The following TMEM132C variants were observed in gnomAD, a reference collection of about 807,000 sequenced individuals.
The protein encoded by TMEM132C is protein phosphatase 1, regulatory subunit 152.
A neutral mutation model predicts 61.4 loss-of-function variants in TMEM132C; 29 were observed. The observed-to-expected ratio is 0.47, with a 90% CI of 0.35 to 0.64. TMEM132C has a LOEUF of 0.64. Ranked by LOEUF, TMEM132C falls within the 30% of genes least tolerant of loss-of-function variation. TMEM132C has a pLI of 0.00. For synonymous variants in TMEM132C, 656 were observed against 633.1 expected (o/e 1.04, Z -0.54); for missense variants, 1,408 against 1,476.9 (o/e 0.95, Z 0.76).
intron 5 of TMEM132C, 117 bp downstream of exon 5, chr12:128,669,677 C>A: frequency 8.0e-7 from 1 of 1,246,586 alleles, no homozygotes; most frequent in Non-Finnish European, 1.1e-6. Flanking sequence ...GGCTTATGTG[C>A]AACACACTTC....
intron 2 of TMEM132C, among the ~76,000 whole-genome samples, chr12:128,534,991 A>T (rs1248845648): frequency 6.6e-6 from 1 of 152,240 alleles, no homozygotes; most frequent in African/African-American, 2.4e-5. Flanking sequence ...AAGCCAAGTC[A>T]CATTGCAAGA....
At chr12:128,374,737 C>T (rs12823524) in intron 1 of TMEM132C, among the ~76,000 whole-genome samples, 123,514 of 151,600 alleles carry the variant, frequency 0.81, 51,234 homozygotes, top group Non-Finnish European at 0.9. Context: ...CTGGCCAAGA[C>T]AGTGAAACCC....
chr12:128,622,360 A>AAATATAT (rs1277080166), intron 4 of TMEM132C, among the ~76,000 whole-genome samples: 14 of 30,108 alleles, frequency 4.6e-4, no homozygotes, highest in African/African-American at 8.2e-4. Flanking sequence ...AAAAAAAAAA[A>AAATATAT]ATATATATAT....
At chr12:128,457,736 CTT>C (rs1870394493) in intron 2 of TMEM132C, among the ~76,000 whole-genome samples, 1 of 152,104 alleles carries the variant, frequency 6.6e-6, no homozygotes, top group South Asian at 2.1e-4. Flanking sequence ...TACAGCCAAA[CTT>C]CAAAGGTCCA....
rs201012004 is a variant in TMEM132C at position 128,278,745 on chromosome 12, C to CGT, written c.85+11261_85+11262dup. ...ATATTTGTGCAGACTTGATTCTATA[C>CGT]GTGTATGTGTGTGTGTGTGTGTGTG... On this transcript the variant is annotated intron_variant, in intron 1 of 8. Transcript: ENST00000435159. The surrounding 1 kb of genome is among the most constrained non-coding windows in gnomAD (Gnocchi z 4.2). Among the ~76,000 whole-genome samples, 13,550 of 135,414 alleles carry CGT rather than the reference C, an allele frequency of 0.1. 805 individuals are homozygous for CGT. The highest frequency in any genetic ancestry group is 0.21 in the Admixed American group (2,825 of 13,676). The allele number at this position is 135,414 out of a possible 152,430, so 88.8% of individuals were successfully genotyped here.
rs151205301 is a variant in TMEM132C, at chr12:128,551,674, G to A, written c.1121+7571G>A. On this transcript the variant is annotated intron_variant, in intron 3 of 8. Coordinates refer to ENST00000435159, the MANE Select transcript of TMEM132C (RefSeq NM_001136103.3). ...AGAGGCAGAAAAGCACATAGAGAGC[G>A]TGCTGAAAGGCAGGAACACATCTTG... is the stretch of plus-strand genomic sequence containing the variant. 3.0e-3 allele frequency among the ~76,000 whole-genome samples: 453 copies of A among 152,316 alleles called. 1 individual carries two copies. Among genetic ancestry groups the A allele is most frequent in the Non-Finnish European group, 4.9e-3 (331 of 68,032 alleles).
At position 128,429,112 on chromosome 12, in the gene TMEM132C, G is replaced by T. The variant is rs187261252; in HGVS notation, c.974+13492G>T. ...GAGGGATGCCATTGCTTTCATTGAG[G>T]TAAGACAGGTTTTTCAACAGGGGAA... is the stretch of plus-strand genomic sequence containing the variant. On this transcript the variant is annotated intron_variant, in intron 2 of 8. Transcript: ENST00000435159. Among the ~76,000 whole-genome samples the T allele has an allele frequency of 2.0e-5, 3 of 152,236 alleles. No homozygotes were observed. The East Asian group carries it at 5.8e-4, about 29-fold the overall frequency.
At chr12:128,289,281 C>T (rs914996680) in intron 1 of TMEM132C, among the ~76,000 whole-genome samples, 5 of 152,230 alleles carry the variant, frequency 3.3e-5, no homozygotes, top group African/African-American at 1.2e-4. Flanking sequence ...CGCACACATG[C>T]TCATGTGCGC....
At chr12:128,357,347 T>C (rs1306987644) in intron 1 of TMEM132C, among the ~76,000 whole-genome samples, 1 of 152,082 alleles carries the variant, frequency 6.6e-6, no homozygotes, top group Non-Finnish European at 1.5e-5. Context: ...CCCGGCTCCA[T>C]CATCCAAAAT....
chr12:128,391,736 C>T, intron 1 of TMEM132C, among the ~76,000 whole-genome samples: 1 of 152,170 alleles, frequency 6.6e-6, no homozygotes, highest in East Asian at 1.9e-4. Context: ...TTAGGTCACA[C>T]AGATGCCAAG....
At chr12:128,562,506 C>G (rs1874557619) in intron 3 of TMEM132C, among the ~76,000 whole-genome samples, 1 of 152,188 alleles carries the variant, frequency 6.6e-6, no homozygotes, top group South Asian at 2.1e-4. Flanking sequence ...GCAGTATTTT[C>G]TCACCAGGGG....
intron 8 of TMEM132C, among the ~76,000 whole-genome samples, chr12:128,704,602 G>A (rs77586050): frequency 0.028 from 4,250 of 152,274 alleles, 118 homozygotes; most frequent in East Asian, 0.13. Context: ...GTTCCTTTCT[G>A]ATGTCATTGG....
intron 2 of TMEM132C, among the ~76,000 whole-genome samples, chr12:128,458,573 C>T (rs930335694): frequency 2.0e-5 from 3 of 152,042 alleles, no homozygotes; most frequent in Non-Finnish European, 4.4e-5. Context: ...GCACCTTTCC[C>T]ATCATGGGGA....
intron 2 of TMEM132C, among the ~76,000 whole-genome samples, chr12:128,416,479 A>T (rs907449914): frequency 9.9e-5 from 15 of 152,202 alleles, no homozygotes; most frequent in Non-Finnish European, 2.1e-4. Flanking sequence ...TTTTCTTGTT[A>T]TAGTTAAGAA....
intron 2 of TMEM132C, among the ~76,000 whole-genome samples, chr12:128,457,030 C>T (rs1870369802): frequency 1.3e-5 from 2 of 152,164 alleles, no homozygotes; most frequent in African/African-American, 4.8e-5. Context: ...TATGAATACA[C>T]TATGATTTGC....
intron 3 of TMEM132C, among the ~76,000 whole-genome samples, chr12:128,562,152 G>A (rs997342209): frequency 9.2e-5 from 14 of 152,182 alleles, no homozygotes; most frequent in African/African-American, 3.4e-4. Context: ...CTTTGCACAA[G>A]CCCATGTGGC....
chr12:128,463,943 A>G lies in TMEM132C; in HGVS notation c.974+48323A>G, dbSNP rs561985609. Among the ~76,000 whole-genome samples the G allele has an allele frequency of 3.9e-5, 6 of 152,306 alleles. No individual in the cohort carries two copies. In the South Asian group the frequency reaches 1.2e-3, roughly 32 times the overall value. ...TTGGATTCATGTGTGAGTCATAAAT[A>G]AACCTGTATCATGTTAAACCACCAA... On this transcript the variant is annotated intron_variant, in intron 2 of 8. Transcript: ENST00000435159.
intron 3 of TMEM132C, among the ~76,000 whole-genome samples, chr12:128,580,652 A>G (rs1399143226): frequency 6.6e-6 from 1 of 152,208 alleles, no homozygotes; most frequent in African/African-American, 2.4e-5. Context: ...ATTCTCTTGC[A>G]AAGGACAGAG....
intron 1 of TMEM132C, among the ~76,000 whole-genome samples, chr12:128,294,441 A>G: frequency 6.6e-6 from 1 of 152,190 alleles, no homozygotes; most frequent in African/African-American, 2.4e-5. Flanking sequence ...TAATTCTGGA[A>G]AGAGTAGAAA....
Sources: gnomAD v4.1 joint callset for allele counts (sites outside exome capture counted in the v4.1 genomes callset) on GRCh38, gnomAD v4.1.1 for gene constraint, Gnocchi (gnomAD v3.1) non-coding constraint, MANE v1.5 for transcripts, NCBI Gene and HGNC (gene_info 2026-07-23, HGNC 2026-07-21) for gene names.